The following COL11A1 variants were observed in gnomAD, a reference collection of about 807,000 sequenced individuals.
COL11A1 encodes the protein collagen alpha-1(XI) chain.
In COL11A1, 74 loss-of-function variants were observed where a neutral mutation model predicts 265.2. The observed-to-expected ratio is 0.28, with a 90% CI of 0.23 to 0.34. The LOEUF is 0.34. COL11A1 is among the 10% of genes least tolerant of loss of function. The pLI, the probability that COL11A1 is intolerant of heterozygous loss-of-function variation, is 1.00. For synonymous variants in COL11A1, 816 were observed against 727.6 expected, an observed-to-expected ratio of 1.12 and a Z score of -1.96; for missense variants, 2,165 against 2,263.6, an observed-to-expected ratio of 0.96 and a Z score of 0.88.
chr1:102,943,132 C>A (rs17127273), intron 42 of COL11A1, among the ~76,000 whole-genome samples: 13,502 of 151,912 alleles, frequency 0.089, 656 homozygotes, highest in African/African-American at 0.13. Flanking sequence ...AATATATGCA[C>A]CACATAATAA....
chr1:102,937,234 G>A (rs1258454701), intron 44 of COL11A1, among the ~76,000 whole-genome samples: 1 of 152,136 alleles, frequency 6.6e-6, no homozygotes, highest in Non-Finnish European at 1.5e-5. Context: ...GAGTATGCAA[G>A]GGTCCTAAGG....
At chr1:102,905,043 A>T (rs1367653145) in intron 54 of COL11A1, among the ~76,000 whole-genome samples, 1 of 152,070 alleles carries the variant, frequency 6.6e-6, no homozygotes, top group East Asian at 1.9e-4. Flanking sequence ...CTATGCAGCC[A>T]TAAAAAATGA....
intron 44 of COL11A1, among the ~76,000 whole-genome samples, chr1:102,936,317 T>C (rs529262023): frequency 3.7e-4 from 56 of 152,038 alleles, no homozygotes; most frequent in African/African-American, 1.3e-3. Context: ...ACACTAACTT[T>C]TACATGGAAC....
At chr1:102,911,273 T>A (rs749469587) in intron 54 of COL11A1, among the ~76,000 whole-genome samples, 92 of 152,154 alleles carry the variant, frequency 6.0e-4, no homozygotes, top group Non-Finnish European at 1.1e-3. Context: ...TAAATATTGA[T>A]TCAAATTTGT....
intron 49 of COL11A1, 62 bp downstream of exon 49, chr1:102,920,249 C>A: frequency 7.0e-7 from 1 of 1,428,036 alleles, no homozygotes; most frequent in East Asian, 2.3e-5. Context: ...TAAACTACTA[C>A]CCAATATTAT....
At chr1:102,980,702 T>C (rs1466926634) in intron 31 of COL11A1, among the ~76,000 whole-genome samples, 1 of 152,094 alleles carries the variant, frequency 6.6e-6, no homozygotes, top group Non-Finnish European at 1.5e-5. Context: ...AAAAATAATG[T>C]TTCTCCAAGT....
intron 49 of COL11A1, 27 bp from the exon 50 acceptor site, chr1:102,915,711 T>G: frequency 6.6e-7 from 1 of 1,517,600 alleles, no homozygotes; most frequent in South Asian, 1.1e-5. Context: ...AAATTAGTAT[T>G]AGAATACAGA....
In COL11A1 at chr1:102,898,716, G is replaced by T. The variant is rs1652766220; in HGVS notation, c.4198C>A (p.Pro1400Thr). The T allele has an allele frequency of 6.2e-7, 1 of 1,612,860 alleles. No individual in the cohort carries two copies. ...CCTTCTGGACCAGGCTTTCCTGCAGGTCCCTGAGGACCGACTGGGCCGGTT... is the reference window on the plus strand; with the variant it reads ...CCTTCTGGACCAGGCTTTCCTGCAGTTCCCTGAGGACCGACTGGGCCGGTT... ...GKTGPVGPQG[P>T]AGKPGPEGLR... is the part of the protein sequence containing the mutation. The change falls in exon 56 of 67, where the codon CCT becomes ACT. Residue 1400 changes from proline to threonine, a missense_variant. Physicochemically the swap from Pro to Thr is conservative, Grantham distance 38. Coordinates refer to ENST00000370096, the MANE Select transcript of COL11A1 (RefSeq NM_001854.4).
Position 103,027,396 on chromosome 1 carries a change from A to AAAATAT in COL11A1, c.781-1065_781-1064insATATTT, listed in dbSNP as rs1421941501. Reference sequence around the variant, plus strand: ...AGTAAACTCAACAAGTTAAAACTCTAATATATATATATATATATATATATA... The same window carrying AAAATAT: ...AGTAAACTCAACAAGTTAAAACTCTAAAATATATATATATATATATATATATATATA... On this transcript the variant is annotated intron_variant, in intron 5 of 66. Transcript: ENST00000370096. 2.2e-3 allele frequency among the ~76,000 whole-genome samples: 199 copies of AAAATAT among 92,064 alleles called. 2 individuals are homozygous for AAAATAT. Among genetic ancestry groups the AAAATAT allele is most frequent in the Middle Eastern group, 0.013 (2 of 154 alleles). 60.4% of individuals were successfully genotyped at this position (92,064 alleles called of 152,430 possible).
chr1:103,075,073 TA>T (rs1222100742), intron 3 of COL11A1, among the ~76,000 whole-genome samples: 4 of 152,098 alleles, frequency 2.6e-5, no homozygotes, highest in Non-Finnish European at 5.9e-5. Flanking sequence ...AACAAAAGCT[TA>T]ATCTCACTGT....
intron 41 of COL11A1, among the ~76,000 whole-genome samples, chr1:102,954,469 T>C (rs1660172113): frequency 6.6e-6 from 1 of 152,010 alleles, no homozygotes; most frequent in African/African-American, 2.4e-5. Context: ...GAGAGAAAAA[T>C]AGAAGCATAA....
intron 38 of COL11A1, among the ~76,000 whole-genome samples, chr1:102,963,290 T>G (rs1021316776): frequency 2.0e-5 from 3 of 152,160 alleles, no homozygotes; most frequent in African/African-American, 7.2e-5. Flanking sequence ...TTTGACAAAG[T>G]CTAGGGAATG....
At chr1:102,912,405 T>C (rs2101018197) in intron 53 of COL11A1, among the ~76,000 whole-genome samples, 193 bp from the exon 54 acceptor site, 1 of 152,284 alleles carries the variant, frequency 6.6e-6, no homozygotes, top group East Asian at 1.9e-4. Flanking sequence ...TAAATTTAGA[T>C]GGTAAAATTA....
intron 4 of COL11A1, among the ~76,000 whole-genome samples, chr1:103,039,552 G>A (rs1016422635): frequency 2.0e-5 from 3 of 152,052 alleles, no homozygotes; most frequent in African/African-American, 4.8e-5. Flanking sequence ...TAAAGACACA[G>A]GGAGAAGACA....
chr1:102,941,673 T>A (rs1391164801), intron 42 of COL11A1, among the ~76,000 whole-genome samples: 1 of 152,198 alleles, frequency 6.6e-6, no homozygotes, highest in Non-Finnish European at 1.5e-5. Flanking sequence ...TTCCTTCTCA[T>A]CTTTTACATC....
At chr1:103,014,465 T>C (rs764542366) in intron 13 of COL11A1, 46 bp downstream of exon 13, 3 of 1,459,790 alleles carry the variant, frequency 2.1e-6, no homozygotes, top group Admixed American at 3.4e-5. Flanking sequence ...ATATACTTGA[T>C]ACAGAGTCAG....
Position 102,998,356 on chromosome 1 carries a change from T to C in COL11A1, c.2150A>G (p.Gln717Arg), listed in dbSNP as rs142524348. 14 of 1,602,088 alleles carry C rather than the reference T, an allele frequency of 8.7e-6. No individual in the cohort carries two copies. In the African/African-American group the frequency reaches 1.9e-4, roughly 22 times the overall value. Residue 717 changes from glutamine (Q) to arginine (R), a missense_variant, in exon 25 of 67, where the codon CAA (glutamine) becomes CGA (arginine). Coordinates refer to ENST00000370096, the MANE Select transcript of COL11A1 (RefSeq NM_001854.4). Reference protein sequence around the residue: ...PIGPPGEKGPQGKPGLAGLPG... With the variant: ...PIGPPGEKGPRGKPGLAGLPG... ...AAGTCCAGCAAGTCCTGGTTTTCCT[T>C]GTGGTCCCTTATAGAGAAAAAAAAA... is the stretch of plus-strand genomic sequence containing the variant.
intron 1 of COL11A1, among the ~76,000 whole-genome samples, chr1:103,102,937 A>G (rs1202045226): frequency 6.6e-6 from 1 of 151,974 alleles, no homozygotes; most frequent in African/African-American, 2.4e-5. Flanking sequence ...CCTCCCTTAC[A>G]TCCCTGCAAT....
chr1:103,000,839 G>C (rs1242823228), intron 24 of COL11A1, among the ~76,000 whole-genome samples: 3 of 151,880 alleles, frequency 2.0e-5, no homozygotes, highest in Non-Finnish European at 4.4e-5. Context: ...TAGCGAAAAA[G>C]TATAAACTAC....
Sources: allele counts gnomAD v4.1 joint callset (sites outside exome capture counted in the v4.1 genomes callset), GRCh38; gene constraint gnomAD v4.1.1; transcripts MANE v1.5; gene names NCBI Gene and HGNC (gene_info 2026-07-23, HGNC 2026-07-21).